The following CHN2 variants were observed in gnomAD, a reference collection of about 807,000 sequenced individuals.
CHN2 encodes the protein chimerin 2.
Under a neutral mutation model 56.3 loss-of-function variants are expected in CHN2, and 35 were observed. That is an observed-to-expected ratio of 0.62 (90% CI 0.47 to 0.82). The LOEUF is 0.82. Ranked by LOEUF, CHN2 falls within the 40% of genes least tolerant of loss-of-function variation. CHN2 has a pLI of 0.00. For synonymous variants in CHN2, 210 were observed against 212.8 expected (o/e 0.99, Z 0.12); for missense variants, 491 against 580.5 (o/e 0.85, Z 1.58).
At chr7:29,315,838 GAGA>G (rs1165671214) in intron 1 of CHN2, among the ~76,000 whole-genome samples, 1 of 152,190 alleles carries the variant, frequency 6.6e-6, no homozygotes, top group East Asian at 1.9e-4. Context: ...AATGCTAAGA[GAGA>G]AGATTAAGTG....
At chr7:29,316,501 C>T (rs904721517) in intron 1 of CHN2, among the ~76,000 whole-genome samples, 2 of 152,098 alleles carry the variant, frequency 1.3e-5, no homozygotes, top group Non-Finnish European at 2.9e-5. Context: ...CACTGTAGCA[C>T]CTATTTTCTG....
chr7:29,160,470 C>T (rs1011401030), intron 2 of CHN2, among the ~76,000 whole-genome samples: 1 of 152,184 alleles, frequency 6.6e-6, no homozygotes, highest in Non-Finnish European at 1.5e-5. Flanking sequence ...CCTAGTCAGT[C>T]ATGGCTACCC....
chr7:29,241,696 G>A (rs184768676), intron 1 of CHN2, among the ~76,000 whole-genome samples: 1,565 of 152,192 alleles, frequency 0.01, 19 homozygotes, highest in South Asian at 0.017. Context: ...GAGGGAGAGA[G>A]GGTAGGAGAG....
At chr7:29,464,965 C>A (rs370374285) in intron 6 of CHN2, among the ~76,000 whole-genome samples, 19 of 152,276 alleles carry the variant, frequency 1.2e-4, no homozygotes, top group African/African-American at 4.6e-4. Flanking sequence ...AGCCGCCAGC[C>A]GTGTTTTCAT....
At chr7:29,237,090 G>A (rs1787255672) in intron 1 of CHN2, among the ~76,000 whole-genome samples, 1 of 152,142 alleles carries the variant, frequency 6.6e-6, no homozygotes. Context: ...CAGCTGAAGT[G>A]CTTTCTTTGC....
chr7:29,161,864 A>T (rs1448868784), intron 2 of CHN2, among the ~76,000 whole-genome samples: 1 of 152,230 alleles, frequency 6.6e-6, no homozygotes, highest in African/African-American at 2.4e-5. Context: ...TGGGCCAAAG[A>T]GTTGAACAGA....
At chr7:29,379,424 A>G (rs1034905069) in intron 3 of CHN2, among the ~76,000 whole-genome samples, 1 of 152,232 alleles carries the variant, frequency 6.6e-6, no homozygotes, top group Non-Finnish European at 1.5e-5. Context: ...TATGTTCTTG[A>G]ATTCTGATTA....
At chr7:29,385,614 G>T (rs139417903) in intron 3 of CHN2, among the ~76,000 whole-genome samples, 1 of 152,196 alleles carries the variant, frequency 6.6e-6, no homozygotes, top group East Asian at 1.9e-4. Context: ...GTTTGACCAC[G>T]TGGCACTGGG....
chr7:29,166,943 C>T (rs1796000050), intron 2 of CHN2, among the ~76,000 whole-genome samples: 1 of 151,892 alleles, frequency 6.6e-6, no homozygotes, highest in African/African-American at 2.4e-5. Context: ...GTTCTGTTTC[C>T]ATTGACTGAT....
intron 1 of CHN2, among the ~76,000 whole-genome samples, chr7:29,235,939 C>G (rs1005695581): frequency 2.0e-5 from 3 of 152,184 alleles, no homozygotes; most frequent in Non-Finnish European, 4.4e-5. Flanking sequence ...GGGTACTATG[C>G]TCATTACATG....
Position 29,194,953 on chromosome 7 carries a change from C to T in CHN2, c.12C>T (p.Ser4=). MAA[S]SNSSLSGSSV... is the part of the protein sequence containing the mutation. ...AGGGGCGCGCGGAGATGGCAGCGTC[C>T]AGCAACTCCAGCCTGTCCGGCTCGT... Residue 4 remains serine (S), a synonymous_variant, in exon 1 of 13, where the codon TCC becomes TCT. Transcript: ENST00000222792. 2 of 1,575,826 alleles carry T rather than the reference C, an allele frequency of 1.3e-6. No homozygotes were observed. The highest frequency in any genetic ancestry group is 2.5e-5 in the East Asian group (1 of 40,134).
chr7:29,336,856 CCACCTTTCTCTCCCTCCCTGG>C (rs1299637019), intron 1 of CHN2, among the ~76,000 whole-genome samples: 1 of 151,612 alleles, frequency 6.6e-6, no homozygotes, highest in Middle Eastern at 3.4e-3. Flanking sequence ...AACAAGCATT[CCACCTTTCTCTCCCTCCCTGG>C]CACAGGGCCT....
At chr7:29,251,825 G>A (rs994274113) in intron 1 of CHN2, among the ~76,000 whole-genome samples, 4 of 152,184 alleles carry the variant, frequency 2.6e-5, no homozygotes, top group Non-Finnish European at 5.9e-5. Context: ...CACAAAAATA[G>A]AACCTAATTA....
At chr7:29,484,040 A>G in intron 7 of CHN2, 1 of 505,646 alleles carries the variant, frequency 2.0e-6, no homozygotes, top group South Asian at 1.6e-5. Context: ...GTATTTTTGT[A>G]TCTAGCTTTT....
intron 3 of CHN2, among the ~76,000 whole-genome samples, chr7:29,373,471 G>A (rs1249688104): frequency 2.0e-5 from 3 of 150,782 alleles, no homozygotes; most frequent in Admixed American, 1.3e-4. Flanking sequence ...CACCACGCCC[G>A]GCCGGCAGTG....
chr7:29,328,364 A>C (rs1452758763), intron 1 of CHN2, among the ~76,000 whole-genome samples: 1 of 152,152 alleles, frequency 6.6e-6, no homozygotes, highest in Non-Finnish European at 1.5e-5. Flanking sequence ...CCTTAGTCTC[A>C]AGCCGATGAA....
chr7:29,407,464 T>C (rs1802760181), intron 6 of CHN2, among the ~76,000 whole-genome samples: 1 of 152,106 alleles, frequency 6.6e-6, no homozygotes, highest in African/African-American at 2.4e-5. Context: ...GAATTGTTAA[T>C]GCAGAAAGCA....
intron 2 of CHN2, among the ~76,000 whole-genome samples, chr7:29,163,544 C>T (rs1015249466): frequency 6.6e-6 from 1 of 151,974 alleles, no homozygotes; most frequent in Non-Finnish European, 1.5e-5. Context: ...AGACAATATC[C>T]ATTTTTTTTT....
intron 7 of CHN2, among the ~76,000 whole-genome samples, chr7:29,485,701 C>A (rs1361843452): frequency 6.6e-6 from 1 of 152,084 alleles, no homozygotes; most frequent in African/African-American, 2.4e-5. Flanking sequence ...AGGGGAGAGA[C>A]CTCGGGGACA....
Sources: allele counts gnomAD v4.1 joint callset (sites outside exome capture counted in the v4.1 genomes callset), GRCh38; gene constraint gnomAD v4.1.1; transcripts MANE v1.5; gene names NCBI Gene and HGNC (gene_info 2026-07-23, HGNC 2026-07-21).